The following ENOSF1 variants were observed in gnomAD, a reference collection of about 807,000 sequenced individuals.
The protein encoded by ENOSF1 is mitochondrial enolase superfamily member 1.
Under a neutral mutation model 68.2 loss-of-function variants are expected in ENOSF1, and 73 were observed. The observed-to-expected ratio is 1.07, with a 90% CI of 0.89 to 1.30. ENOSF1 has a LOEUF of 1.30. Ranked by LOEUF, ENOSF1 falls within the 50% of genes most tolerant of loss-of-function variation. ENOSF1 has a pLI of 0.00. For synonymous variants in ENOSF1, 223 were observed against 210.4 expected (o/e 1.06, Z -0.52); for missense variants, 589 against 554.5 (o/e 1.06, Z -0.62).
downstream of ENOSF1, chr18:669,365 G>GTTTTTT: frequency 2.9e-6 from 1 of 340,442 alleles, no homozygotes; most frequent in Non-Finnish European, 5.3e-6. Context: ...GGGCCCAGAG[G>GTTTTTT]ATTTTTTTTT....
the ENOSF1 span, among the ~76,000 whole-genome samples, chr18:664,475 T>G: frequency 1.4e-5 from 2 of 142,130 alleles, no homozygotes; most frequent in African/African-American, 5.5e-5. Flanking sequence ...AGGGACAATT[T>G]GACTTCCTCT....
chr18:708,734 GGAGGAATATCTCAGGCAA>G (rs1260934963), intron 1 of ENOSF1, among the ~76,000 whole-genome samples: 7 of 152,044 alleles, frequency 4.6e-5, no homozygotes, highest in African/African-American at 1.4e-4. Context: ...AGTCTGGGAG[GGAGGAATATCTCAGGCAA>G]GGTAGCAGCA....
downstream of ENOSF1, among the ~76,000 whole-genome samples, chr18:665,874 G>A (rs2074807255): frequency 1.0e-5 from 1 of 98,212 alleles, no homozygotes; most frequent in Non-Finnish European, 1.9e-5. Context: ...ACTGTGGTCT[G>A]AGAGATAGTT....
intron 9 of ENOSF1, chr18:687,800 G>A (rs182075137): frequency 8.0e-4 from 123 of 153,082 alleles, no homozygotes; most frequent in Admixed American, 1.0e-3. Flanking sequence ...TCAAGTGGAA[G>A]AGGAACAGCC....
intron 13 of ENOSF1, 75 bp from the exon 14 acceptor site, chr18:677,519 T>C: frequency 7.3e-7 from 1 of 1,375,768 alleles, no homozygotes; most frequent in South Asian, 1.3e-5. Flanking sequence ...ACTTTCTGGT[T>C]TTTCTTATTG....
chr18:666,969 TGATGGA>T (rs1266837279), downstream of ENOSF1, among the ~76,000 whole-genome samples: 93 of 13,954 alleles, frequency 6.7e-3, 12 homozygotes, highest in South Asian at 0.025. Context: ...ATGGAGATGG[TGATGGA>T]GATGGAGATG....
At position 675,326 on chromosome 18, in the gene ENOSF1, G is replaced by A; in HGVS notation, c.1225C>T (p.Pro409Ser). 1.9e-6 allele frequency: 3 copies of A among 1,611,048 alleles called. No homozygotes were observed. Among genetic ancestry groups the A allele is most frequent in the Non-Finnish European group, 8.5e-7 (1 of 1,179,186 alleles). ...GCCCTCAGGCCACAGCTTACCTTGG[G>A]AGGCATGTAGGAAGCCCGCTGGATC... ...VMIQRASYMP[P>S]KDPGYSTEMK... Residue 409 changes from proline (P) to serine (S), a missense_variant, in exon 15 of 16, where the codon CCC becomes TCC. Pro to Ser is a moderately conservative substitution (Grantham distance 74). Transcript: ENST00000647584.
intron 12 of ENOSF1, 46 bp from the exon 13 acceptor site, chr18:677,918 G>A (rs2075679109): frequency 1.2e-5 from 19 of 1,590,454 alleles, no homozygotes; most frequent in Non-Finnish European, 1.5e-5. Flanking sequence ...GTCAGCCTTG[G>A]CCTTCAGGAT....
At position 683,277 on chromosome 18, in the gene ENOSF1, T is replaced by A; in HGVS notation, c.845A>T (p.Asp282Val). ...AATGGTGGCGTGCCCCAGAATGTCA[T>A]CAGGGGAGGTTGGCTCCTCAATCCA... Reference protein sequence around the residue: ...PLWIEEPTSPDDILGHATISK... With the variant: ...PLWIEEPTSPVDILGHATISK... The change falls in exon 11 of 16, where the codon GAT becomes GTT. Residue 282 changes from aspartate to valine, a missense_variant. Physicochemically the swap from Asp to Val is radical, Grantham distance 152. Transcript: ENST00000647584. The A allele has an allele frequency of 6.2e-7, 1 of 1,614,170 alleles. No homozygotes were observed. Among genetic ancestry groups the A allele is most frequent in the East Asian group, 2.2e-5 (1 of 44,850 alleles).
At chr18:701,734 G>A (rs1306713952) in intron 2 of ENOSF1, among the ~76,000 whole-genome samples, 2 of 147,872 alleles carry the variant, frequency 1.4e-5, no homozygotes, top group East Asian at 4.0e-4. Context: ...TCCAGCCTGG[G>A]TGACAGAGCG....
At chr18:666,252 A>G (rs1004618792), downstream of ENOSF1, among the ~76,000 whole-genome samples, 9 of 151,300 alleles carry the variant, frequency 5.9e-5, no homozygotes, top group Admixed American at 2.0e-4. Flanking sequence ...GTGCTGGGGA[A>G]TGGGAAGTTC....
At chr18:666,366 G>A (rs916885655), downstream of ENOSF1, among the ~76,000 whole-genome samples, 11 of 152,172 alleles carry the variant, frequency 7.2e-5, no homozygotes, top group African/African-American at 2.4e-4. Flanking sequence ...GCTGTGAAGC[G>A]CAGTGCCAGG....
rs745694489 is a variant in ENOSF1 at position 674,389 on chromosome 18, T to G, written c.1248A>C (p.Thr416=). The G allele has an allele frequency of 1.2e-6, 2 of 1,612,322 alleles. No homozygotes were observed. The highest frequency in any genetic ancestry group is 1.1e-5 in the South Asian group (1 of 90,644). The part of the protein sequence containing the change: ...YMPPKDPGYS[T]EMKEESVKKH... ...TCTTTACAGATTCCTCCTTCATTTC[T>G]GTTGAGTAGCCGGGATCCTATCAAA... Residue 416 remains threonine, a synonymous_variant, in exon 16 of 16, where the codon ACA becomes ACC. Transcript: ENST00000647584.
At chr18:700,486 T>A (rs2078217682) in intron 2 of ENOSF1, among the ~76,000 whole-genome samples, 1 of 152,212 alleles carries the variant, frequency 6.6e-6, no homozygotes, top group Non-Finnish European at 1.5e-5. Context: ...GATGATCTCA[T>A]TTTTATGACT....
At chr18:688,828 T>C (rs1340172864) in intron 8 of ENOSF1, among the ~76,000 whole-genome samples, 2 of 152,214 alleles carry the variant, frequency 1.3e-5, no homozygotes, top group Non-Finnish European at 2.9e-5. Context: ...GAACCATTTT[T>C]TTAATGGTCA....
downstream of ENOSF1, among the ~76,000 whole-genome samples, chr18:666,311 A>T (rs1236464558): frequency 6.6e-6 from 1 of 151,834 alleles, no homozygotes; most frequent in Non-Finnish European, 1.5e-5. Flanking sequence ...TTGTGGCTTT[A>T]ATCTCCCTTT....
chr18:681,145 AGCCACTATGCCTG>A (rs368025747), intron 11 of ENOSF1, among the ~76,000 whole-genome samples: 2,483 of 152,296 alleles, frequency 0.016, 32 homozygotes, highest in Non-Finnish European at 0.024. Context: ...TACAGGTGTG[AGCCACTATGCCTG>A]GCCACTATGC....
At chr18:676,918 T>G (rs958781007) in intron 14 of ENOSF1, among the ~76,000 whole-genome samples, 1 of 152,224 alleles carries the variant, frequency 6.6e-6, no homozygotes. Context: ...AAACCCTACG[T>G]GTGCAGATGA....
chr18:691,278 T>A lies in ENOSF1; in HGVS notation c.424-2A>T, dbSNP rs374589431. ...GCAGGATACCAGCATCCTGGGATCC[T>A]GGCAACGTGACAGGAGGGGAAGAGG... On this transcript the variant is annotated splice_acceptor_variant, in intron 5 of 15. Coordinates refer to ENST00000647584, the MANE Select transcript of ENOSF1 (RefSeq NM_017512.7). LOFTEE classifies it high-confidence loss of function. 1.2e-6 allele frequency: 2 copies of A among 1,613,094 alleles called. No individual in the cohort carries two copies. Among genetic ancestry groups the A allele is most frequent in the African/African-American group, 2.7e-5 (2 of 74,898 alleles).
Sources: allele counts gnomAD v4.1 joint callset (sites outside exome capture counted in the v4.1 genomes callset), GRCh38; gene constraint gnomAD v4.1.1; transcripts MANE v1.5; gene names NCBI Gene and HGNC (gene_info 2026-07-23, HGNC 2026-07-21).